Variants in ERO1B observed in about 807,000 individuals in gnomAD.
ERO1B encodes ERO1-like protein beta.
Under a neutral mutation model 75.3 loss-of-function variants are expected in ERO1B, and 49 were observed. That is an observed-to-expected ratio of 0.65 (90% CI 0.52 to 0.83). ERO1B has a LOEUF of 0.83. ERO1B is among the 40% of genes least tolerant of loss of function. The pLI, the probability that ERO1B is intolerant of heterozygous loss-of-function variation, is 0.00. For synonymous variants in ERO1B, 191 were observed against 192.9 expected (o/e 0.99, Z 0.08); for missense variants, 512 against 560.1 (o/e 0.91, Z 0.87).
At chr1:236,237,109 ATTTGGACTT>A (rs1164940921) in intron 6 of ERO1B, among the ~76,000 whole-genome samples, 3 of 123,046 alleles carry the variant, frequency 2.4e-5, no homozygotes, top group African/African-American at 8.6e-5. Context: ...GATCTCCACT[ATTTGGACTT>A]TTTTTTTTTT....
At chr1:236,243,299 A>G in intron 6 of ERO1B, 123 bp downstream of exon 6, 2 of 599,312 alleles carry the variant, frequency 3.3e-6, no homozygotes, top group East Asian at 6.4e-5. Context: ...ATTATGAATA[A>G]TAAGGTCTAC....
intron 14 of ERO1B, among the ~76,000 whole-genome samples, chr1:236,221,469 T>C (rs1047969943): frequency 1.3e-5 from 2 of 152,236 alleles, no homozygotes; most frequent in Non-Finnish European, 1.5e-5. Context: ...ACAATCCTTT[T>C]GACACTGGCT....
At chr1:236,265,991 C>T (rs967682115) in intron 2 of ERO1B, among the ~76,000 whole-genome samples, 1 of 152,202 alleles carries the variant, frequency 6.6e-6, no homozygotes, top group African/African-American at 2.4e-5. Flanking sequence ...TCCCACCCTC[C>T]AATTCCCCAA....
At chr1:236,266,740 T>C (rs1665451500) in intron 2 of ERO1B, among the ~76,000 whole-genome samples, 1 of 152,240 alleles carries the variant, frequency 6.6e-6, no homozygotes, top group African/African-American at 2.4e-5. Flanking sequence ...TCCTTCTTAT[T>C]TCTTTTATAG....
At chr1:236,280,774 T>A (rs1417677266) in intron 1 of ERO1B, among the ~76,000 whole-genome samples, 1 of 152,200 alleles carries the variant, frequency 6.6e-6, no homozygotes, top group Non-Finnish European at 1.5e-5. Context: ...CCCCTCATCA[T>A]CAGGCCACCT....
chr1:236,278,524 T>C (rs1212563784), intron 1 of ERO1B, among the ~76,000 whole-genome samples: 1 of 152,070 alleles, frequency 6.6e-6, no homozygotes, highest in Non-Finnish European at 1.5e-5. Flanking sequence ...TCAAGATCTT[T>C]AGGGTTTAGG....
At chr1:236,245,144 C>G in intron 5 of ERO1B, among the ~76,000 whole-genome samples, 1 of 150,432 alleles carries the variant, frequency 6.6e-6, no homozygotes, top group Non-Finnish European at 1.5e-5. Flanking sequence ...CATACGCCAA[C>G]ACATCCAGCT....
intron 1 of ERO1B, among the ~76,000 whole-genome samples, chr1:236,276,382 G>A (rs1039460139): frequency 6.6e-6 from 1 of 152,196 alleles, no homozygotes; most frequent in African/African-American, 2.4e-5. Flanking sequence ...TACAAGCTTT[G>A]AACCCTGAGG....
rs775037750 is a variant in ERO1B, at chr1:236,279,726, TC to T, written c.102+1955del. On this transcript the variant is annotated intron_variant, in intron 1 of 15. Transcript: ENST00000354619. ...CAGGCGCGGTGGCAAGCACCTGTAATCCCAGCTACTTGGGAAGCTGAGGCAG... is the reference window on the plus strand; with the variant it reads ...CAGGCGCGGTGGCAAGCACCTGTAATCCAGCTACTTGGGAAGCTGAGGCAG... Among the ~76,000 whole-genome samples, 69 of 150,254 alleles carry T rather than the reference TC, an allele frequency of 4.6e-4. 1 individual carries two copies. In the East Asian group the frequency reaches 0.012, roughly 26 times the overall value.
chr1:236,253,193 A>G (rs1429395911), intron 3 of ERO1B, among the ~76,000 whole-genome samples: 5 of 152,178 alleles, frequency 3.3e-5, no homozygotes, highest in African/African-American at 4.8e-5. Flanking sequence ...GAATAAGACT[A>G]TATTTCCATA....
At chr1:236,224,372 T>C (rs867789893) in intron 13 of ERO1B, among the ~76,000 whole-genome samples, 1 of 152,038 alleles carries the variant, frequency 6.6e-6, no homozygotes, top group African/African-American at 2.4e-5. Context: ...TCCTAGGTAC[T>C]TGGGAGGCTG....
chr1:236,252,417 CT>C (rs1665051716), intron 3 of ERO1B, among the ~76,000 whole-genome samples: 1 of 152,166 alleles, frequency 6.6e-6, no homozygotes, highest in South Asian at 2.1e-4. Context: ...CTTCCACAAA[CT>C]TTGTTACCAT....
At chr1:236,272,173 C>A (rs1349962040) in intron 1 of ERO1B, among the ~76,000 whole-genome samples, 1 of 152,100 alleles carries the variant, frequency 6.6e-6, no homozygotes, top group African/African-American at 2.4e-5. Context: ...AAAAGTAGAA[C>A]CATCATTTGA....
chr1:236,250,830 T>A (rs1323134200), intron 4 of ERO1B, among the ~76,000 whole-genome samples: 3 of 151,836 alleles, frequency 2.0e-5, no homozygotes, highest in African/African-American at 4.8e-5. Flanking sequence ...ACCATTTTTT[T>A]AAAAAGGTAC....
In ERO1B at chr1:236,233,199, C is replaced by T. The variant is rs541724042; in HGVS notation, c.674-360G>A. On this transcript the variant is annotated intron_variant, in intron 8 of 15. Transcript: ENST00000354619. ...TGGCATGTACCTGTAATCCCAGCTACTTGGGAGGCTGAGGCAGGAGAATCA... is the reference window on the plus strand; with the variant it reads ...TGGCATGTACCTGTAATCCCAGCTATTTGGGAGGCTGAGGCAGGAGAATCA... 7.3e-5 allele frequency among the ~76,000 whole-genome samples: 11 copies of T among 151,656 alleles called. No individual in the cohort carries two copies. In the South Asian group the frequency reaches 2.3e-3, roughly 32 times the overall value.
intron 1 of ERO1B, among the ~76,000 whole-genome samples, chr1:236,272,442 A>G (rs1665613143): frequency 1.3e-5 from 2 of 152,298 alleles, no homozygotes. Context: ...CCATTATCCT[A>G]AGTGAATTAA....
At chr1:236,227,545 G>A (rs917830619) in intron 10 of ERO1B, among the ~76,000 whole-genome samples, 3 of 152,150 alleles carry the variant, frequency 2.0e-5, no homozygotes, top group Non-Finnish European at 4.4e-5. Flanking sequence ...AAATAAAAAT[G>A]CAGAAAATTT....
At chr1:236,229,428 A>C (rs989192314) in intron 10 of ERO1B, among the ~76,000 whole-genome samples, 1 of 152,114 alleles carries the variant, frequency 6.6e-6, no homozygotes, top group Non-Finnish European at 1.5e-5. Context: ...GACTCAAAAA[A>C]AAAAAAAAGA....
intron 2 of ERO1B, among the ~76,000 whole-genome samples, chr1:236,254,019 TGGAG>T (rs771431708): frequency 5.3e-5 from 8 of 152,128 alleles, no homozygotes; most frequent in Non-Finnish European, 1.2e-4. Context: ...TATTTTAGGA[TGGAG>T]GAAGTGTGCA....
Sources: gnomAD v4.1 joint callset for allele counts (sites outside exome capture counted in the v4.1 genomes callset) on GRCh38, gnomAD v4.1.1 for gene constraint, MANE v1.5 for transcripts, NCBI Gene and HGNC (gene_info 2026-07-23, HGNC 2026-07-21) for gene names.